The following BLTP3A variants were observed in gnomAD, a reference collection of about 807,000 sequenced individuals.
The protein encoded by BLTP3A is bridge-like lipid transfer protein family member 3A.
At chr6:34,852,566 T>A in the BLTP3A span, among the ~76,000 whole-genome samples, 1 of 141,684 alleles carries the variant, frequency 7.1e-6, no homozygotes, top group Non-Finnish European at 1.5e-5. Flanking sequence ...TCTCCTCTCC[T>A]CTCCTCTCCT....
At chr6:34,864,499 A>G in the BLTP3A span, among the ~76,000 whole-genome samples, 1 of 147,436 alleles carries the variant, frequency 6.8e-6, no homozygotes, top group Non-Finnish European at 1.5e-5. Context: ...GGTTGGTATC[A>G]GTGGTGTGAG....
the BLTP3A span, among the ~76,000 whole-genome samples, chr6:34,861,377 C>G: frequency 3.3e-5 from 5 of 152,314 alleles, no homozygotes; most frequent in Non-Finnish European, 5.9e-5. Context: ...TCACCCACCT[C>G]AGCCTCCCAA....
the BLTP3A span, chr6:34,823,239 C>T: frequency 1.9e-6 from 3 of 1,605,554 alleles, no homozygotes; most frequent in Non-Finnish European, 2.6e-6. Flanking sequence ...GCTTAGTTCT[C>T]CTTGACTTCT....
chr6:34,859,186 T>C, the BLTP3A span: 1 of 1,613,988 alleles, frequency 6.2e-7, no homozygotes, highest in Non-Finnish European at 8.5e-7. Context: ...TCAGGATGTA[T>C]CCCAGGAGAG....
chr6:34,826,643 C>T, the BLTP3A span, among the ~76,000 whole-genome samples: 2 of 152,144 alleles, frequency 1.3e-5, no homozygotes, highest in Non-Finnish European at 1.5e-5. Context: ...CAGACGTGAG[C>T]GACTGTGCCT....
chr6:34,848,915 G>A, the BLTP3A span, among the ~76,000 whole-genome samples: 2 of 147,394 alleles, frequency 1.4e-5, no homozygotes, highest in African/African-American at 5.0e-5. Flanking sequence ...TTCTGTGAAG[G>A]CGATTTCCTC....
the BLTP3A span, among the ~76,000 whole-genome samples, chr6:34,863,713 GTCTCT>G: frequency 2.6e-4 from 39 of 152,276 alleles, no homozygotes; most frequent in African/African-American, 7.7e-4. Context: ...TAGGTAGCTG[GTCTCT>G]TCTGAGTCTG....
the BLTP3A span, among the ~76,000 whole-genome samples, chr6:34,807,882 A>T: frequency 6.6e-6 from 1 of 152,056 alleles, no homozygotes; most frequent in Admixed American, 6.6e-5. Context: ...TCTACTAAAA[A>T]TACAAAAAAT....
the BLTP3A span, among the ~76,000 whole-genome samples, chr6:34,804,441 C>T: frequency 6.6e-6 from 1 of 152,034 alleles, no homozygotes; most frequent in African/African-American, 2.4e-5. Context: ...AAGCAGAAAG[C>T]CCAGTAATGC....
the BLTP3A span, among the ~76,000 whole-genome samples, chr6:34,832,888 C>T: frequency 5.0e-4 from 76 of 152,250 alleles, no homozygotes; most frequent in Admixed American, 1.5e-3. Context: ...TTCTTGGTGA[C>T]ATAAATTCCA....
the BLTP3A span, among the ~76,000 whole-genome samples, chr6:34,850,193 C>T: frequency 8.6e-5 from 13 of 151,936 alleles, no homozygotes; most frequent in African/African-American, 2.4e-4. Flanking sequence ...TATGTCATGC[C>T]TCTCTCTGCT....
the BLTP3A span, among the ~76,000 whole-genome samples, chr6:34,797,563 T>C: frequency 6.6e-5 from 10 of 152,216 alleles, 1 homozygote; most frequent in Admixed American, 5.2e-4. Context: ...TAGTCACAAC[T>C]TCCAGTCATG....
At chr6:34,842,102 C>T in the BLTP3A span, among the ~76,000 whole-genome samples, 2 of 152,178 alleles carry the variant, frequency 1.3e-5, no homozygotes, top group African/African-American at 4.8e-5. Context: ...CTACACCCTA[C>T]TATAATAAGC....
the BLTP3A span, among the ~76,000 whole-genome samples, chr6:34,852,743 A>T: frequency 0.15 from 22,775 of 150,574 alleles, 2,096 homozygotes; most frequent in African/African-American, 0.26. Flanking sequence ...GTAGTTGCTC[A>T]GGAATTAACA....
the BLTP3A span, among the ~76,000 whole-genome samples, chr6:34,837,916 A>C: frequency 1.3e-5 from 2 of 152,106 alleles, no homozygotes; most frequent in African/African-American, 4.8e-5. Flanking sequence ...TTTTGTTTTT[A>C]ATGCTTTCAG....
the BLTP3A span, among the ~76,000 whole-genome samples, chr6:34,796,797 C>T: frequency 2.1e-3 from 319 of 152,298 alleles, 2 homozygotes; most frequent in African/African-American, 7.3e-3. Flanking sequence ...TCTGCCCCCC[C>T]GAGTTCAAGT....
chr6:34,831,908 AG>A, the BLTP3A span, among the ~76,000 whole-genome samples: 1 of 151,716 alleles, frequency 6.6e-6, no homozygotes. Context: ...TCTGCCTCCC[AG>A]GTTCAAGCAA....
At chr6:34,799,794 A>G in the BLTP3A span, among the ~76,000 whole-genome samples, 2 of 152,356 alleles carry the variant, frequency 1.3e-5, no homozygotes, top group South Asian at 2.1e-4. Context: ...GAAATAATGT[A>G]TAAATCTCCT....
At chr6:34,823,471 A>C in the BLTP3A span, 1 of 733,668 alleles carries the variant, frequency 1.4e-6, no homozygotes, top group South Asian at 1.7e-5. Flanking sequence ...AGAAAATGGT[A>C]TAAGAACCTC....
Sources: allele counts gnomAD v4.1 joint callset (sites outside exome capture counted in the v4.1 genomes callset), GRCh38; gene constraint gnomAD v4.1.1; transcripts MANE v1.5; gene names NCBI Gene and HGNC (gene_info 2026-07-23, HGNC 2026-07-21).